Variants in OXCT1 observed in about 807,000 individuals in gnomAD.
The protein encoded by OXCT1 is succinyl-CoA:3-ketoacid coenzyme A transferase 1, mitochondrial.
In OXCT1, 27 loss-of-function variants were observed where a neutral mutation model predicts 69.6. The ratio of observed to expected loss-of-function variants is 0.39; its 90% CI spans 0.29 to 0.54. The LOEUF (loss-of-function observed/expected upper bound fraction) is 0.54, where lower values mean the gene tolerates loss of function less well. Ranked by LOEUF, OXCT1 falls within the 20% of genes least tolerant of loss-of-function variation. OXCT1 has a pLI of 0.72. For synonymous variants in OXCT1, 202 were observed against 217.8 expected, an observed-to-expected ratio of 0.93 and a Z score of 0.64; for missense variants, 437 against 650.2, an observed-to-expected ratio of 0.67 and a Z score of 3.57.
At chr5:41,769,323 C>G (rs1744768855) in intron 13 of OXCT1, among the ~76,000 whole-genome samples, 1 of 152,006 alleles carries the variant, frequency 6.6e-6, no homozygotes, top group Non-Finnish European at 1.5e-5. Flanking sequence ...CCTCCAAGAC[C>G]CCATGCAGCT....
chr5:41,855,111 C>A (rs1305386199), intron 3 of OXCT1, among the ~76,000 whole-genome samples: 1 of 152,136 alleles, frequency 6.6e-6, no homozygotes. Context: ...CTATAACCAT[C>A]AGTAACAATG....
rs1327582077 is a variant in OXCT1, at chr5:41,739,503, G to A, written c.1420-12C>T. 2.0e-6 allele frequency: 3 copies of A among 1,525,446 alleles called. No individual in the cohort carries two copies. Among genetic ancestry groups the A allele is most frequent in the African/African-American group, 2.7e-5 (2 of 73,124 alleles). The allele number at this position is 1,525,446 out of a possible 1,614,324, so 94.5% of individuals were successfully genotyped here. A position where few individuals can be genotyped will look rare whatever the true frequency, so the allele number is the denominator to read the frequency against. On this transcript the variant is annotated splice_polypyrimidine_tract_variant and intron_variant, in intron 15 of 16. Transcript: ENST00000196371. ...ACATCAAACACAGCCTGTCAGAGTG[G>A]GAAGAAAAAGGACAATGACAATTTC...
At chr5:41,809,151 C>T (rs1194426231) in intron 7 of OXCT1, among the ~76,000 whole-genome samples, 1 of 151,874 alleles carries the variant, frequency 6.6e-6, no homozygotes, top group Non-Finnish European at 1.5e-5. Flanking sequence ...TAGAAATGCA[C>T]TTTGGGATAG....
chr5:41,795,624 T>TAA (rs1746142047), intron 11 of OXCT1, among the ~76,000 whole-genome samples: 1 of 152,124 alleles, frequency 6.6e-6, no homozygotes, highest in African/African-American at 2.4e-5. Context: ...ACTTCAGTGA[T>TAA]AAGAATAACT....
At chr5:41,835,980 C>T (rs1424382168) in intron 7 of OXCT1, among the ~76,000 whole-genome samples, 1 of 152,082 alleles carries the variant, frequency 6.6e-6, no homozygotes, top group Non-Finnish European at 1.5e-5. Flanking sequence ...TCCAGAGAAA[C>T]TTAGATGGTA....
rs1561135502 is a variant in OXCT1, at chr5:41,859,869, A to ATATATATATATATATAT, written c.278+1428_278+1444dup. ...TTATACCTGACTAGTATAGTAATAT[A>ATATATATATATATATAT]TATATATATATATATATGTAATATA... On this transcript the variant is annotated intron_variant, in intron 3 of 16. Transcript: ENST00000196371. Among the ~76,000 whole-genome samples the ATATATATATATATATAT allele has an allele frequency of 2.9e-4, 33 of 115,666 alleles. 3 individuals are homozygous for ATATATATATATATATAT. The South Asian group carries it at 4.9e-3, about 17-fold the overall frequency. The allele number at this position is 115,666 out of a possible 152,430, so 75.9% of individuals were successfully genotyped here. A position where few individuals can be genotyped will look rare whatever the true frequency, so the allele number is the denominator to read the frequency against.
chr5:41,734,193 C>CTATTTTATTCA lies in OXCT1; in HGVS notation c.1522-2434_1522-2424dup, dbSNP rs758996583. Among the ~76,000 whole-genome samples, 22 of 152,136 alleles carry CTATTTTATTCA rather than the reference C, an allele frequency of 1.4e-4. 1 individual carries two copies. The highest frequency in any genetic ancestry group is 3.9e-4 in the Admixed American group (6 of 15,274). On this transcript the variant is annotated intron_variant, in intron 16 of 16. Coordinates refer to ENST00000196371, the MANE Select transcript of OXCT1 (RefSeq NM_000436.4). ...TGGGAGCAAGAACCATAAATTGGTT[C>CTATTTTATTCA]TATTTTATTCATATTTTACAGCTCA...
intron 10 of OXCT1, among the ~76,000 whole-genome samples, chr5:41,801,748 T>A (rs991532516): frequency 5.9e-5 from 9 of 152,182 alleles, no homozygotes; most frequent in African/African-American, 2.2e-4. Context: ...TATACTTATG[T>A]CCTTATGTTC....
At position 41,801,086 on chromosome 5, in the gene OXCT1, T is replaced by C. The variant is rs767782451; in HGVS notation, c.1051-16A>G. On this transcript the variant is annotated splice_polypyrimidine_tract_variant and intron_variant, in intron 10 of 16. Transcript: ENST00000196371. ...GATATGGACCCTGTCAAATACAACA[T>C]ACATTCAATTAGTAAATGAAGATTC... 2.5e-6 allele frequency: 4 copies of C among 1,581,112 alleles called. No homozygotes were observed. The South Asian group carries it at 4.4e-5, about 17-fold the overall frequency.
intron 7 of OXCT1, among the ~76,000 whole-genome samples, chr5:41,821,115 A>T (rs574712544): frequency 6.6e-6 from 1 of 152,344 alleles, no homozygotes; most frequent in Non-Finnish European, 1.5e-5. Context: ...AGCAACTCTG[A>T]AAGTAGCAAT....
intron 7 of OXCT1, among the ~76,000 whole-genome samples, chr5:41,812,797 T>C (rs998692813): frequency 1.3e-5 from 2 of 151,954 alleles, no homozygotes; most frequent in Non-Finnish European, 2.9e-5. Context: ...GCTACCCAGA[T>C]TCTCTGTACT....
chr5:41,846,691 C>T (rs1338346691), intron 5 of OXCT1, among the ~76,000 whole-genome samples: 3 of 152,136 alleles, frequency 2.0e-5, no homozygotes, highest in African/African-American at 2.4e-5. Flanking sequence ...GTTCTAGATC[C>T]CTGAGGAATC....
chr5:41,769,198 T>G (rs2329744), intron 13 of OXCT1, among the ~76,000 whole-genome samples: 25 of 152,184 alleles, frequency 1.6e-4, no homozygotes, highest in African/African-American at 5.8e-4. Context: ...GATGTTGTAG[T>G]GGCAGGTAGT....
At chr5:41,745,553 G>C (rs914239788) in intron 15 of OXCT1, among the ~76,000 whole-genome samples, 3 of 152,110 alleles carry the variant, frequency 2.0e-5, no homozygotes, top group African/African-American at 7.2e-5. Context: ...ACTAAGATCA[G>C]AGCAGAACTG....
intron 13 of OXCT1, among the ~76,000 whole-genome samples, chr5:41,764,944 G>A (rs1744524919): frequency 6.6e-6 from 1 of 151,990 alleles, no homozygotes; most frequent in Admixed American, 6.6e-5. Flanking sequence ...TCAAATATCT[G>A]GTTTTTCTGC....
chr5:41,789,480 G>A (rs1012379910), intron 13 of OXCT1, among the ~76,000 whole-genome samples: 2 of 152,114 alleles, frequency 1.3e-5, no homozygotes, highest in South Asian at 2.1e-4. Context: ...ATGAATTAGC[G>A]AATTTAATCC....
intron 5 of OXCT1, chr5:41,843,532 C>T: frequency 2.2e-6 from 1 of 456,016 alleles, no homozygotes; most frequent in Non-Finnish European, 4.4e-6. Flanking sequence ...TTTAATTATA[C>T]TACCAATTTT....
intron 1 of OXCT1, among the ~76,000 whole-genome samples, chr5:41,868,124 G>A (rs1168061288): frequency 6.6e-6 from 1 of 152,218 alleles, no homozygotes; most frequent in Non-Finnish European, 1.5e-5. Flanking sequence ...TCTCAGGTCT[G>A]CGAGACACTG....
intron 15 of OXCT1, among the ~76,000 whole-genome samples, chr5:41,740,668 C>T (rs1366122187): frequency 2.0e-5 from 3 of 152,204 alleles, no homozygotes; most frequent in African/African-American, 7.2e-5. Context: ...ACATTCTTCT[C>T]AGATAGTCAA....
Sources: allele counts gnomAD v4.1 joint callset (sites outside exome capture counted in the v4.1 genomes callset), GRCh38; gene constraint gnomAD v4.1.1; transcripts MANE v1.5; gene names NCBI Gene and HGNC (gene_info 2026-07-23, HGNC 2026-07-21).